Variants in ZNF343 observed in about 807,000 individuals in gnomAD.
The protein encoded by ZNF343 is zinc finger protein 343.
Under a neutral mutation model 13.8 loss-of-function variants are expected in ZNF343, and 11 were observed. The observed-to-expected ratio is 0.80, with a 90% CI of 0.50 to 1.32. The LOEUF (loss-of-function observed/expected upper bound fraction) is 1.32. Ranked by LOEUF, ZNF343 falls within the 40% of genes most tolerant of loss-of-function variation. ZNF343 has a pLI of 0.00. For synonymous variants in ZNF343, 248 were observed against 260.0 expected (o/e 0.95, Z 0.44); for missense variants, 658 against 714.2 (o/e 0.92, Z 0.90).
intron 1 of ZNF343, among the ~76,000 whole-genome samples, chr20:2,513,954 A>C (rs1400915397): frequency 6.6e-6 from 1 of 152,260 alleles, no homozygotes; most frequent in Non-Finnish European, 1.5e-5. Context: ...AAAGTAGATT[A>C]GTAGCAGGGT....
In ZNF343 at chr20:2,481,894, G is replaced by GAATGCCATCTTCGCTTTT; in HGVS notation, c.*1266_*1267insAAAAGCGAAGATGGCATT. ...AGTAGAAAAGAATGCTTATTTAACA[G>GAATGCCATCTTCGCTTTT]TTACTGCCATCTTCGCTCACATACA... On this transcript the variant is annotated 3_prime_UTR_variant, in exon 6 of 6. Transcript: ENST00000278772. 6.6e-6 allele frequency: 1 copy of GAATGCCATCTTCGCTTTT among 152,302 alleles called. No homozygotes were observed. Among genetic ancestry groups the GAATGCCATCTTCGCTTTT allele is most frequent in the East Asian group, 1.9e-4 (1 of 5,184 alleles). The allele number at this position is 152,302 out of a possible 1,614,324, so 9.4% of individuals were successfully genotyped here.
rs1304135551 is a variant in ZNF343, at chr20:2,508,720, C to A, written c.-237+161G>T. 1 of 152,378 alleles carries A rather than the reference C, an allele frequency of 6.6e-6. No individual in the cohort carries two copies. Among genetic ancestry groups the A allele is most frequent in the Non-Finnish European group, 1.5e-5 (1 of 68,184 alleles). 9.4% of individuals were successfully genotyped at this position (152,378 alleles called of 1,614,324 possible). ...CATCGCCTCGCCCCAATGAGCACCG[C>A]GAGCTGCGCCCTCTCCTCCAAAAAC... is the stretch of plus-strand genomic sequence containing the variant. On this transcript the variant is annotated intron_variant, in intron 1 of 5. Transcript: ENST00000278772. The surrounding 1 kb of genome is among the most constrained non-coding windows in gnomAD (Gnocchi z 4.5).
chr20:2,507,108 T>C (rs1325514687), intron 1 of ZNF343, among the ~76,000 whole-genome samples: 19 of 151,420 alleles, frequency 1.3e-4, no homozygotes, highest in Admixed American at 1.2e-3. Context: ...CTACTAAAAA[T>C]ACAAAATTAG....
At position 2,483,852 on chromosome 20, in the gene ZNF343, C is replaced by T. The variant is rs867112033; in HGVS notation, c.1109G>A (p.Arg370Lys). The stretch of plus-strand genomic sequence containing the variant: ...CTCACCGGAGTGTGTCCTCTGGTGT[C>T]TGATGAAGGATGACTTCTCGCTAAA... ...RGFSEKSSFI[R>K]HQRTHSGEKP... Residue 370 changes from arginine (R) to lysine (K), a missense_variant, in exon 6 of 6, where the codon AGA becomes AAA. Coordinates refer to ENST00000278772, the MANE Select transcript of ZNF343 (RefSeq NM_024325.6). The T allele has an allele frequency of 6.2e-7, 1 of 1,611,418 alleles. No individual in the cohort carries two copies. Among genetic ancestry groups the T allele is most frequent in the Non-Finnish European group, 8.5e-7 (1 of 1,179,208 alleles).
At position 2,482,880 on chromosome 20, in the gene ZNF343, A is replaced by C. The variant is rs958894002; in HGVS notation, c.*281T>G. 22 of 419,426 alleles carry C rather than the reference A, an allele frequency of 5.2e-5. No homozygotes were observed. The highest frequency in any genetic ancestry group is 8.5e-5 in the Non-Finnish European group (20 of 235,442). 26.0% of individuals were successfully genotyped at this position (419,426 alleles called of 1,614,324 possible). A position where few individuals can be genotyped will look rare whatever the true frequency, so the allele number is the denominator to read the frequency against. On this transcript the variant is annotated 3_prime_UTR_variant, in exon 6 of 6. Transcript: ENST00000278772. ...TCTGGTAAATGTTGATTATTGCTAAAGCCTTCCCACAGTCCCTACACATAA... is the reference window on the plus strand; with the variant it reads ...TCTGGTAAATGTTGATTATTGCTAACGCCTTCCCACAGTCCCTACACATAA...
In ZNF343 at chr20:2,483,111, C is replaced by T; in HGVS notation, c.*50G>A. ...CTCTCTGGGGTAACATGAGGCTTGA[C>T]TGGTCACTCAGGTCTTGTTCATGAC... On this transcript the variant is annotated 3_prime_UTR_variant, in exon 6 of 6. Transcript: ENST00000278772. The T allele has an allele frequency of 6.4e-7, 1 of 1,550,532 alleles. No individual in the cohort carries two copies. Among genetic ancestry groups the T allele is most frequent in the East Asian group, 2.3e-5 (1 of 44,422 alleles).
intron 5 of ZNF343, among the ~76,000 whole-genome samples, chr20:2,490,537 G>GTTTTTTTTTTTTTTTTTTTTTTTTT (rs67601660): frequency 8.0e-6 from 1 of 124,650 alleles, no homozygotes; most frequent in African/African-American, 3.0e-5. Flanking sequence ...CTTTTTTTTG[G>GTTTTTTTTTTTTTTTTTTTTTTTTT]TTTTTGTTTT....
At position 2,483,522 on chromosome 20, in the gene ZNF343, A is replaced by C; in HGVS notation, c.1439T>G (p.Leu480Arg). Residue 480 changes from leucine (L) to arginine (R), a missense_variant, in exon 6 of 6, where the codon CTC (leucine) becomes CGC (arginine). Transcript: ENST00000278772. ...TGAGTGTGTCCTCTGGTGGACAAGGAGGAGTGATTTCCGACTAAAGCCTCG... is the reference window on the plus strand; with the variant it reads ...TGAGTGTGTCCTCTGGTGGACAAGGCGGAGTGATTTCCGACTAAAGCCTCG... ...CGRGFSRKSLLLVHQRTHSGE... is the reference protein window; with the variant it reads ...CGRGFSRKSLRLVHQRTHSGE... 1 of 1,612,750 alleles carries C rather than the reference A, an allele frequency of 6.2e-7. No homozygotes were observed. The highest frequency in any genetic ancestry group is 8.5e-7 in the Non-Finnish European group (1 of 1,179,762).
chr20:2,521,664 T>C (rs944067946), intron 1 of ZNF343, among the ~76,000 whole-genome samples: 3 of 152,106 alleles, frequency 2.0e-5, no homozygotes, highest in Admixed American at 1.3e-4. Context: ...ACCTAGCCAG[T>C]GGGTATATGG....
intron 2 of ZNF343, among the ~76,000 whole-genome samples, chr20:2,499,481 A>G (rs1331018485): frequency 7.6e-5 from 11 of 144,670 alleles, no homozygotes; most frequent in South Asian, 2.1e-4. Context: ...AAAAAAAAAA[A>G]AAAAAAAAAA....
rs1376569736 is a variant in ZNF343, at chr20:2,508,341, C to A, written c.-237+540G>T. Reference sequence around the variant, plus strand: ...GCATCAAGGCCTGAGACGGCCTCCCCCTAACCACCCCGGTCACCACTCGGG... The same window carrying A: ...GCATCAAGGCCTGAGACGGCCTCCCACTAACCACCCCGGTCACCACTCGGG... On this transcript the variant is annotated intron_variant, in intron 1 of 5. Transcript: ENST00000278772. This position sits in a 1 kb window ranked among gnomAD's most constrained non-coding sequence, Gnocchi z 4.5. Among the ~76,000 whole-genome samples, 1 of 152,000 alleles carries A rather than the reference C, an allele frequency of 6.6e-6. No individual in the cohort carries two copies. Among genetic ancestry groups the A allele is most frequent in the African/African-American group, 2.4e-5 (1 of 41,352 alleles).
At chr20:2,510,995 G>A (rs571414808), upstream of ZNF343, among the ~76,000 whole-genome samples, 11 of 152,294 alleles carry the variant, frequency 7.2e-5, no homozygotes, top group South Asian at 2.3e-3. Context: ...GTAAGTTGCA[G>A]CTCCTTGATA....
chr20:2,518,019 CT>C lies in ZNF343; in HGVS notation c.-347+6435del, dbSNP rs1229880226. Among the ~76,000 whole-genome samples the C allele has an allele frequency of 2.2e-4, 32 of 144,054 alleles. No homozygotes were observed. Among genetic ancestry groups the C allele is most frequent in the South Asian group, 1.3e-3 (6 of 4,524 alleles). The allele number at this position is 144,054 out of a possible 152,430, so 94.5% of individuals were successfully genotyped here. A position where few individuals can be genotyped will look rare whatever the true frequency, so the allele number is the denominator to read the frequency against. On this transcript the variant is annotated intron_variant, in intron 1 of 6. Transcript: ENST00000358413. The surrounding 1 kb of genome is among the most constrained non-coding windows in gnomAD (Gnocchi z 4.6). The stretch of plus-strand genomic sequence containing the variant: ...TTTATTTTTTTTTCCTTTTTTCTCT[CT>C]TTTTTTTTTTCGAGACAGAGTCTCA...
intron 2 of ZNF343, among the ~76,000 whole-genome samples, chr20:2,499,088 G>A (rs746017005): frequency 1.3e-5 from 2 of 151,898 alleles, no homozygotes; most frequent in African/African-American, 2.4e-5. Context: ...GCCTCCCAAA[G>A]TGCTGGGATT....
At chr20:2,510,868 CTA>C (rs2085735458), upstream of ZNF343, among the ~76,000 whole-genome samples, 1 of 152,108 alleles carries the variant, frequency 6.6e-6, no homozygotes, top group Non-Finnish European at 1.5e-5. Context: ...AGAAATGTAA[CTA>C]TGTGTGGGAA....
chr20:2,511,963 GAAGT>G (rs1412994108), upstream of ZNF343, among the ~76,000 whole-genome samples: 3 of 152,218 alleles, frequency 2.0e-5, no homozygotes, highest in Non-Finnish European at 4.4e-5. Context: ...GGGAAAGGAA[GAAGT>G]AAAACTATCT....
upstream of ZNF343, among the ~76,000 whole-genome samples, chr20:2,511,743 C>T (rs1014280757): frequency 1.3e-5 from 2 of 152,202 alleles, no homozygotes; most frequent in African/African-American, 4.8e-5. Context: ...TCCTCCCTGG[C>T]TCTTCAGCAG....
chr20:2,509,444 C>T (rs2085723616), upstream of ZNF343, among the ~76,000 whole-genome samples: 1 of 152,188 alleles, frequency 6.6e-6, no homozygotes. Flanking sequence ...TGTGGGTGGC[C>T]TGTAGTCACC....
At chr20:2,503,253 A>G (rs553432915) in intron 1 of ZNF343, among the ~76,000 whole-genome samples, 1 of 152,368 alleles carries the variant, frequency 6.6e-6, no homozygotes, top group Non-Finnish European at 1.5e-5. Flanking sequence ...CAACAAAAAG[A>G]GCTAACTATC....
Sources: gnomAD v4.1 joint callset for allele counts (sites outside exome capture counted in the v4.1 genomes callset) on GRCh38, gnomAD v4.1.1 for gene constraint, Gnocchi (gnomAD v3.1) non-coding constraint, MANE v1.5 for transcripts, NCBI Gene and HGNC (gene_info 2026-07-23, HGNC 2026-07-21) for gene names.